SGCD: variants seen among roughly 807,000 people sequenced by gnomAD.
SGCD encodes the protein sarcoglycan delta.
A neutral mutation model predicts 36.6 loss-of-function variants in SGCD; 18 were observed. That is an observed-to-expected ratio of 0.49 (90% CI 0.34 to 0.73). The LOEUF is 0.73. Among genes scored for constraint, SGCD ranks in the 30% least tolerant of loss-of-function variants. SGCD has a pLI of 0.01. For missense variants in SGCD, 387 were observed against 346.7 expected (o/e 1.12, Z -0.92); for synonymous variants, 133 against 130.6 (o/e 1.02, Z -0.12).
intron 1 of SGCD, among the ~76,000 whole-genome samples, chr5:156,069,607 GCT>G (rs1760470244): frequency 6.6e-6 from 1 of 152,026 alleles, no homozygotes; most frequent in African/African-American, 2.4e-5. Context: ...GGCAATGCGG[GCT>G]CTTTTTTGGT....
In SGCD at chr5:156,628,037, C is replaced by T. The variant is rs189670692; in HGVS notation, c.503-19427C>T. 1.6e-3 allele frequency among the ~76,000 whole-genome samples: 237 copies of T among 152,206 alleles called. 1 individual carries two copies. Among genetic ancestry groups the T allele is most frequent in the Middle Eastern group, 0.014 (4 of 294 alleles). Reference sequence around the variant, plus strand: ...GAGAAGCATGATCCTGGCATCTGCTCAGCTTTGGGGAAGCCTCAGGAAACT... The same window carrying T: ...GAGAAGCATGATCCTGGCATCTGCTTAGCTTTGGGGAAGCCTCAGGAAACT... On this transcript the variant is annotated intron_variant, in intron 6 of 8. Transcript: ENST00000337851.
intron 3 of SGCD, among the ~76,000 whole-genome samples, chr5:156,188,777 C>T (rs935403667): frequency 6.0e-5 from 9 of 151,180 alleles, no homozygotes; most frequent in Admixed American, 2.6e-4. Flanking sequence ...GTTCTATTTT[C>T]GCCTCCTTCT....
intron 3 of SGCD, among the ~76,000 whole-genome samples, chr5:156,131,742 A>G (rs1262781428): frequency 6.6e-6 from 1 of 152,224 alleles, no homozygotes; most frequent in Non-Finnish European, 1.5e-5. Context: ...TTGAGGAAAA[A>G]TTGTCATTAA....
chr5:156,465,726 C>A (rs529618677), intron 3 of SGCD, among the ~76,000 whole-genome samples: 2 of 152,160 alleles, frequency 1.3e-5, no homozygotes, highest in Non-Finnish European at 2.9e-5. Context: ...CCTTCAGGCT[C>A]GTTCCAATTG....
intron 7 of SGCD, among the ~76,000 whole-genome samples, chr5:156,706,358 A>G (rs1048397616): frequency 6.6e-5 from 10 of 152,032 alleles, no homozygotes; most frequent in Non-Finnish European, 1.2e-4. Context: ...CTCCACATAC[A>G]CTGTTATCTG....
At chr5:156,049,972 A>G (rs2127580872) in intron 1 of SGCD, among the ~76,000 whole-genome samples, 1 of 147,098 alleles carries the variant, frequency 6.8e-6, no homozygotes, top group East Asian at 1.9e-4. Flanking sequence ...ATGGGCAAAG[A>G]AAGTGATTTC....
chr5:155,964,820 G>A (rs1242806607), intron 1 of SGCD, among the ~76,000 whole-genome samples: 12 of 152,060 alleles, frequency 7.9e-5, no homozygotes, highest in African/African-American at 2.4e-4. Context: ...TTTGCTGATG[G>A]GCCTACAGCT....
At chr5:156,741,567 A>C (rs1335928753) in intron 7 of SGCD, among the ~76,000 whole-genome samples, 1 of 149,690 alleles carries the variant, frequency 6.7e-6, no homozygotes, top group African/African-American at 2.6e-5. Context: ...TAAACCTGGG[A>C]GAGATGACCA....
intron 6 of SGCD, among the ~76,000 whole-genome samples, chr5:156,619,382 C>A (rs1268614669): frequency 1.3e-5 from 2 of 152,130 alleles, no homozygotes; most frequent in African/African-American, 4.8e-5. Flanking sequence ...TTTCTGTTTG[C>A]GGAACTAACA....
chr5:155,939,821 C>G (rs1269779165), intron 1 of SGCD, among the ~76,000 whole-genome samples: 1 of 150,326 alleles, frequency 6.7e-6, no homozygotes, highest in Admixed American at 6.8e-5. Context: ...TCCAAGTCTG[C>G]TCATATCCAA....
At chr5:156,564,478 T>G (rs1328910976) in intron 4 of SGCD, among the ~76,000 whole-genome samples, 2 of 152,114 alleles carry the variant, frequency 1.3e-5, no homozygotes, top group Admixed American at 1.3e-4. Context: ...ACAATTTAAT[T>G]TACGTTATGT....
intron 6 of SGCD, among the ~76,000 whole-genome samples, chr5:156,613,949 GCTTC>G (rs370167445): frequency 0.016 from 2,485 of 152,032 alleles, 68 homozygotes; most frequent in African/African-American, 0.056. Context: ...AGGCTGGCTG[GCTTC>G]CTTCCTTCCT....
intron 4 of SGCD, among the ~76,000 whole-genome samples, chr5:156,517,539 A>G (rs111950189): frequency 6.5e-4 from 99 of 152,238 alleles, no homozygotes; most frequent in Middle Eastern, 6.8e-3. Context: ...ACACACAATC[A>G]TCAGATTTTC....
intron 3 of SGCD, among the ~76,000 whole-genome samples, chr5:156,314,163 A>AATCT (rs1344835902): frequency 6.6e-6 from 1 of 152,008 alleles, no homozygotes; most frequent in Admixed American, 6.6e-5. Context: ...CAAAAGGCCA[A>AATCT]ATCTATAGGA....
intron 4 of SGCD, among the ~76,000 whole-genome samples, chr5:156,556,107 CT>C (rs1430219264): frequency 7.3e-5 from 10 of 137,740 alleles, no homozygotes; most frequent in Non-Finnish European, 1.2e-4. Flanking sequence ...AAAATACTTT[CT>C]GATACAGATA....
intron 3 of SGCD, among the ~76,000 whole-genome samples, chr5:156,399,308 T>C (rs1022503801): frequency 1.3e-5 from 2 of 152,196 alleles, no homozygotes; most frequent in Non-Finnish European, 2.9e-5. Flanking sequence ...AAGGTGCAAA[T>C]TTAGGCAAAT....
intron 1 of SGCD, among the ~76,000 whole-genome samples, chr5:156,047,051 G>A (rs775883422): frequency 2.4e-4 from 36 of 152,268 alleles, no homozygotes; most frequent in Non-Finnish European, 4.0e-4. Flanking sequence ...GGTCTGAATA[G>A]AAGGTCAAAC....
chr5:156,131,957 T>C (rs952375563), intron 3 of SGCD, among the ~76,000 whole-genome samples: 19 of 152,336 alleles, frequency 1.2e-4, no homozygotes, highest in African/African-American at 4.3e-4. Flanking sequence ...GCTTTTGAAG[T>C]CTTGATTTCC....
At chr5:155,914,092 C>G (rs1262225677) in intron 1 of SGCD, among the ~76,000 whole-genome samples, 1 of 152,142 alleles carries the variant, frequency 6.6e-6, no homozygotes, top group Non-Finnish European at 1.5e-5. Context: ...GCAACTTGCC[C>G]AAATTTGGTC....
Sources: allele counts gnomAD v4.1 joint callset (sites outside exome capture counted in the v4.1 genomes callset), GRCh38; gene constraint gnomAD v4.1.1; transcripts MANE v1.5; gene names NCBI Gene and HGNC (gene_info 2026-07-23, HGNC 2026-07-21).